APBA2: variants seen among roughly 807,000 people sequenced by gnomAD.
APBA2 encodes amyloid beta precursor protein binding family A member 2.
A neutral mutation model predicts 75.0 loss-of-function variants in APBA2; 30 were observed. The observed-to-expected ratio is 0.40, with a 90% CI of 0.30 to 0.54. APBA2 has a LOEUF of 0.54. Ranked by LOEUF, APBA2 falls within the 20% of genes least tolerant of loss-of-function variation. APBA2 has a pLI of 0.49. For synonymous variants in APBA2, 444 were observed against 409.6 expected (o/e 1.08, Z -1.01); for missense variants, 801 against 1,016.1 (o/e 0.79, Z 2.88).
intron 3 of APBA2, among the ~76,000 whole-genome samples, chr15:29,018,465 C>G (rs2039789145): frequency 6.6e-6 from 1 of 152,168 alleles, no homozygotes; most frequent in Admixed American, 6.5e-5. Context: ...GACCTATGAG[C>G]AAGAAGGATG....
chr15:29,035,810 G>A (rs1036886159), intron 3 of APBA2, among the ~76,000 whole-genome samples: 3 of 152,196 alleles, frequency 2.0e-5, no homozygotes, highest in African/African-American at 7.2e-5. Flanking sequence ...AGGGCTGGGA[G>A]CCAGAAGCCC....
chr15:29,093,016 A>C, intron 6 of APBA2, 59 bp from the exon 7 acceptor site: 1 of 1,607,748 alleles, frequency 6.2e-7, no homozygotes, highest in Non-Finnish European at 8.5e-7. Flanking sequence ...CAGGCATGCA[A>C]GTTCTTTGTT....
chr15:29,091,824 G>A (rs975673179), intron 6 of APBA2, among the ~76,000 whole-genome samples: 1 of 152,186 alleles, frequency 6.6e-6, no homozygotes, highest in Non-Finnish European at 1.5e-5. Context: ...GAGGTCAGGA[G>A]GTTGCTGGCG....
chr15:28,913,696 G>T (rs139169122), intron 1 of APBA2, among the ~76,000 whole-genome samples: 2,564 of 152,318 alleles, frequency 0.017, 76 homozygotes, highest in African/African-American at 0.059. Context: ...GAGACAAGGG[G>T]AGCCCCCACT....
At chr15:28,905,811 G>A in intron 1 of APBA2, among the ~76,000 whole-genome samples, 1 of 152,104 alleles carries the variant, frequency 6.6e-6, no homozygotes, top group East Asian at 1.9e-4. Context: ...CCATCAATGG[G>A]GGCTGGCGTC....
At chr15:28,894,947 C>T (rs992451751) in intron 1 of APBA2, among the ~76,000 whole-genome samples, 2 of 152,018 alleles carry the variant, frequency 1.3e-5, no homozygotes, top group African/African-American at 2.4e-5. Context: ...GCAGCTCCTG[C>T]GTCATTGGGG....
At chr15:29,088,505 C>T (rs1055599181) in intron 6 of APBA2, among the ~76,000 whole-genome samples, 10 of 152,174 alleles carry the variant, frequency 6.6e-5, no homozygotes, top group South Asian at 4.1e-4. Flanking sequence ...CATTGTCTAG[C>T]GTCCTCATCT....
chr15:28,979,762 G>T (rs2152764735), intron 2 of APBA2, among the ~76,000 whole-genome samples: 1 of 152,266 alleles, frequency 6.6e-6, no homozygotes, highest in East Asian at 1.9e-4. Flanking sequence ...CGTAGGTTTG[G>T]CCTAGGCTGA....
intron 4 of APBA2, chr15:29,070,625 C>T (rs920983259): frequency 6.5e-5 from 11 of 169,282 alleles, no homozygotes; most frequent in Non-Finnish European, 1.2e-4. Context: ...TTCTGAGCCA[C>T]GCAGATGTCA....
At chr15:29,031,240 G>A (rs1266761691) in intron 3 of APBA2, among the ~76,000 whole-genome samples, 1 of 152,192 alleles carries the variant, frequency 6.6e-6, no homozygotes, top group African/African-American at 2.4e-5. Context: ...GACTAAAAGA[G>A]AGTATAAAGA....
At chr15:28,886,977 G>A (rs1332181609) in intron 1 of APBA2, among the ~76,000 whole-genome samples, 1 of 152,222 alleles carries the variant, frequency 6.6e-6, no homozygotes. Context: ...CCCAAGCAGG[G>A]CGCCATGGGC....
chr15:29,085,092 C>T (rs963060749), intron 6 of APBA2, among the ~76,000 whole-genome samples: 2 of 152,140 alleles, frequency 1.3e-5, no homozygotes, highest in African/African-American at 4.8e-5. Context: ...GTTCTAATTT[C>T]ATCATTTCTT....
rs565827836 is a variant in APBA2, at chr15:29,054,817, G to A, written c.933G>A (p.Leu311=). 17 of 1,599,746 alleles carry A rather than the reference G, an allele frequency of 1.1e-5. No individual in the cohort carries two copies. The highest frequency in any genetic ancestry group is 8.0e-5 in the African/African-American group (6 of 75,038). ...AGACCAGGACCCCAGAAGAGAGGCT[G>A]AAGTGGCCCCACGAGCAGGTAGGAC... ...KPKTRTPEER[L]KWPHEQVCNG... The change falls in exon 4 of 15, where the codon CTG becomes CTA. Residue 311 remains leucine, a synonymous_variant. Transcript: ENST00000683413. This position sits in a 1 kb window ranked among gnomAD's most constrained non-coding sequence, Gnocchi z 6.1.
intron 3 of APBA2, among the ~76,000 whole-genome samples, chr15:29,026,640 A>G (rs2040234845): frequency 6.6e-6 from 1 of 152,142 alleles, no homozygotes; most frequent in African/African-American, 2.4e-5. Context: ...CAGGCCGGGC[A>G]TGGTGGCTCA....
chr15:28,947,627 A>G (rs1249591200), intron 2 of APBA2, among the ~76,000 whole-genome samples: 1 of 152,144 alleles, frequency 6.6e-6, no homozygotes. Flanking sequence ...GCCCAGGCCC[A>G]TCATCTAGAA....
At chr15:29,074,540 C>G (rs1441303588) in intron 4 of APBA2, among the ~76,000 whole-genome samples, 1 of 151,998 alleles carries the variant, frequency 6.6e-6, no homozygotes, top group Non-Finnish European at 1.5e-5. Context: ...TTAATGGGTA[C>G]AGAGTTTTAG....
chr15:29,116,985 C>A (rs2045218656), intron 14 of APBA2, 77 bp from the exon 15 acceptor site: 68 of 1,489,444 alleles, frequency 4.6e-5, no homozygotes, highest in Non-Finnish European at 6.2e-5. Flanking sequence ...GGGGGTTTGC[C>A]TCTGTCCTTT....
chr15:28,932,306 G>A (rs2034606346), intron 2 of APBA2, among the ~76,000 whole-genome samples: 3 of 152,134 alleles, frequency 2.0e-5, no homozygotes, highest in Admixed American at 2.0e-4. Flanking sequence ...GCTGGCTTCT[G>A]TACTGTAGTG....
chr15:29,109,946 T>TCTGTC (rs140000938), intron 13 of APBA2, among the ~76,000 whole-genome samples: 9,585 of 152,184 alleles, frequency 0.063, 1,006 homozygotes, highest in African/African-American at 0.22. Flanking sequence ...ACTTGGGACT[T>TCTGTC]CAGGACAGTG....
Sources: allele counts gnomAD v4.1 joint callset (sites outside exome capture counted in the v4.1 genomes callset), GRCh38; gene constraint gnomAD v4.1.1; non-coding constraint Gnocchi (gnomAD v3.1); transcripts MANE v1.5; gene names NCBI Gene and HGNC (gene_info 2026-07-23, HGNC 2026-07-21).